The following AFF3 variants were observed in gnomAD, a reference collection of about 807,000 sequenced individuals.
AFF3 encodes the protein ALF transcription elongation factor 3.
Under a neutral mutation model 129.7 loss-of-function variants are expected in AFF3, and 32 were observed. The observed-to-expected ratio is 0.25, with a 90% CI of 0.19 to 0.33. The LOEUF is 0.33. Among genes scored for constraint, AFF3 ranks in the 10% least tolerant of loss-of-function variants. The pLI is 1.00. For synonymous variants in AFF3, 644 were observed against 635.4 expected (o/e 1.01, Z -0.20); for missense variants, 1,373 against 1,592.0 (o/e 0.86, Z 2.34).
chr2:99,726,110 A>G (rs938202216), intron 11 of AFF3, among the ~76,000 whole-genome samples: 9 of 152,228 alleles, frequency 5.9e-5, no homozygotes, highest in African/African-American at 2.2e-4. Flanking sequence ...AGGACAATGG[A>G]ACTATTTAAA....
At chr2:99,755,544 G>A (rs952112674) in intron 8 of AFF3, among the ~76,000 whole-genome samples, 2 of 152,180 alleles carry the variant, frequency 1.3e-5, no homozygotes, top group Admixed American at 6.5e-5. Context: ...TGGGATTACA[G>A]GAGTGAGTCA....
intron 8 of AFF3, among the ~76,000 whole-genome samples, chr2:99,826,859 G>C (rs908391362): frequency 1.3e-5 from 2 of 152,104 alleles, no homozygotes; most frequent in African/African-American, 4.8e-5. Flanking sequence ...GAGACTAGTG[G>C]GAGGCAGAGG....
At chr2:99,607,753 T>C (rs906186586) in intron 13 of AFF3, among the ~76,000 whole-genome samples, 7 of 152,262 alleles carry the variant, frequency 4.6e-5, no homozygotes, top group African/African-American at 1.7e-4. Flanking sequence ...GGCACTCCAC[T>C]GGGATTGACT....
At chr2:99,675,224 CCTTCAAGAGAGA>C (rs1374380974) in intron 11 of AFF3, among the ~76,000 whole-genome samples, 1 of 152,164 alleles carries the variant, frequency 6.6e-6, no homozygotes, top group Non-Finnish European at 1.5e-5. Context: ...AAATACACTG[CCTTCAAGAGAGA>C]CTTCAAGAGA....
intron 13 of AFF3, among the ~76,000 whole-genome samples, chr2:99,639,778 C>G (rs1056788721): frequency 6.6e-6 from 1 of 150,882 alleles, no homozygotes; most frequent in African/African-American, 2.4e-5. Context: ...ACCTCTGTTT[C>G]CTGGGTTCAA....
intron 8 of AFF3, among the ~76,000 whole-genome samples, chr2:99,765,521 T>C (rs1187336723): frequency 6.6e-6 from 1 of 152,260 alleles, no homozygotes; most frequent in Admixed American, 6.5e-5. Context: ...AAGTTTACTT[T>C]TCCGATTATT....
chr2:99,635,019 T>A (rs1683498083), intron 13 of AFF3, among the ~76,000 whole-genome samples: 1 of 149,336 alleles, frequency 6.7e-6, no homozygotes, highest in South Asian at 2.1e-4. Flanking sequence ...TTGCTGTATA[T>A]CATGTATATG....
chr2:99,906,366 A>G (rs1694716667), intron 7 of AFF3, among the ~76,000 whole-genome samples: 1 of 152,152 alleles, frequency 6.6e-6, no homozygotes, highest in South Asian at 2.1e-4. Context: ...GGACTTCTCA[A>G]CTACCAAGTG....
At chr2:99,724,271 CTTTTTTT>C (rs58303232) in intron 11 of AFF3, among the ~76,000 whole-genome samples, 3 of 66,864 alleles carry the variant, frequency 4.5e-5, no homozygotes, top group African/African-American at 6.6e-5. Context: ...AATGACCTTT[CTTTTTTT>C]TTTTTTTTTT....
intron 13 of AFF3, among the ~76,000 whole-genome samples, chr2:99,623,480 G>C (rs1472785048): frequency 1.3e-5 from 2 of 152,310 alleles, no homozygotes; most frequent in Admixed American, 6.5e-5. Context: ...TTTAGCATGT[G>C]CAAGGAGCTC....
At chr2:99,851,877 A>AC (rs1690171029) in intron 7 of AFF3, among the ~76,000 whole-genome samples, 1 of 152,210 alleles carries the variant, frequency 6.6e-6, no homozygotes, top group African/African-American at 2.4e-5. Context: ...GCATAATGTA[A>AC]CCTTCAATAT....
chr2:99,570,063 C>A (rs1482475897), intron 18 of AFF3, among the ~76,000 whole-genome samples: 2 of 152,172 alleles, frequency 1.3e-5, no homozygotes, highest in Non-Finnish European at 2.9e-5. Flanking sequence ...TGTTTCCTCA[C>A]CCCATCCCCA....
At chr2:99,808,083 C>T (rs558626261) in intron 8 of AFF3, among the ~76,000 whole-genome samples, 131 of 152,314 alleles carry the variant, frequency 8.6e-4, no homozygotes, top group African/African-American at 2.9e-3. Context: ...CGTCTTAGAA[C>T]GAGGCTCTGG....
intron 7 of AFF3, among the ~76,000 whole-genome samples, chr2:99,843,000 C>A (rs373568528): frequency 2.6e-5 from 4 of 152,348 alleles, no homozygotes; most frequent in Admixed American, 6.5e-5. Flanking sequence ...TATCTTCAAG[C>A]ACTCAAAAGA....
intron 8 of AFF3, among the ~76,000 whole-genome samples, chr2:99,761,947 T>C (rs1164185288): frequency 6.6e-6 from 1 of 152,122 alleles, no homozygotes; most frequent in Non-Finnish European, 1.5e-5. Context: ...CCAAGCCTGA[T>C]GTCTTACTTC....
rs201074443 is a variant in AFF3, at chr2:100,005,242, C to CT, written c.873+1389dup. Among the ~76,000 whole-genome samples, 1,191 of 152,282 alleles carry CT rather than the reference C, an allele frequency of 7.8e-3. 17 individuals carry two copies. Among genetic ancestry groups the CT allele is most frequent in the African/African-American group, 0.027 (1,125 of 41,570 alleles). On this transcript the variant is annotated intron_variant, in intron 7 of 24. Transcript: ENST00000672756. ...GCTTTACTGGCAATCAAAAATTCAT[C>CT]TTTTTTTGTTTTAACTAGAGTTTTA...
intron 8 of AFF3, among the ~76,000 whole-genome samples, chr2:99,786,174 T>C (rs1354488560): frequency 6.6e-6 from 1 of 152,210 alleles, no homozygotes; most frequent in Non-Finnish European, 1.5e-5. Context: ...ATGAAGGGTT[T>C]GGGCTTTTTA....
chr2:100,110,670 G>C (rs909172781), intron 2 of AFF3, among the ~76,000 whole-genome samples: 2 of 152,198 alleles, frequency 1.3e-5, no homozygotes, highest in African/African-American at 4.8e-5. Flanking sequence ...GAGTCCTGCT[G>C]GGGGTCCCCA....
chr2:99,955,710 T>A (rs1300653456), intron 7 of AFF3, among the ~76,000 whole-genome samples: 1 of 152,208 alleles, frequency 6.6e-6, no homozygotes, highest in African/African-American at 2.4e-5. Flanking sequence ...TTATGAATAA[T>A]TATCAGGCCA....
Sources: allele counts gnomAD v4.1 joint callset (sites outside exome capture counted in the v4.1 genomes callset), GRCh38; gene constraint gnomAD v4.1.1; transcripts MANE v1.5; gene names NCBI Gene and HGNC (gene_info 2026-07-23, HGNC 2026-07-21).